CAND1: variants seen among roughly 807,000 people sequenced by gnomAD.
The protein encoded by CAND1 is cullin-associated NEDD8-dissociated protein 1.
Under a neutral mutation model 108.5 loss-of-function variants are expected in CAND1, and 7 were observed. The observed-to-expected ratio is 0.06, with a 90% confidence interval of 0.04 to 0.12. CAND1 has a LOEUF of 0.12. Ranked by LOEUF, CAND1 falls within the 10% of genes least tolerant of loss-of-function variation. CAND1 has a pLI of 1.00. For missense variants in CAND1, 941 were observed against 1,448.7 expected, an observed-to-expected ratio of 0.65 and a Z score of 5.69; for synonymous variants, 534 against 512.0, an observed-to-expected ratio of 1.04 and a Z score of -0.58.
At chr12:67,292,543 G>A (rs1360871898) in intron 2 of CAND1, 79 bp from the exon 3 acceptor site, 10 of 996,850 alleles carry the variant, frequency 1.0e-5, no homozygotes, top group Non-Finnish European at 1.5e-5. Context: ...AGGCGGAAAG[G>A]TTAACATTTC....
At chr12:67,282,091 TC>T in intron 2 of CAND1, 38 bp downstream of exon 2, 1 of 1,605,850 alleles carries the variant, frequency 6.2e-7, no homozygotes, top group South Asian at 1.1e-5. Context: ...TTCTTCCTGC[TC>T]CCCCAACCCT....
intron 2 of CAND1, among the ~76,000 whole-genome samples, chr12:67,288,518 G>A (rs2044693900): frequency 6.6e-6 from 1 of 152,108 alleles, no homozygotes; most frequent in Non-Finnish European, 1.5e-5. Context: ...CTATAGTAAA[G>A]TCAGTTTCTT....
At chr12:67,294,519 A>T (rs748083067) in intron 3 of CAND1, among the ~76,000 whole-genome samples, 1 of 152,216 alleles carries the variant, frequency 6.6e-6, no homozygotes, top group Non-Finnish European at 1.5e-5. Context: ...CTGCTTTTCA[A>T]TCTAGGTGTG....
intron 7 of CAND1, among the ~76,000 whole-genome samples, chr12:67,300,118 C>G (rs7968351): frequency 0.088 from 13,427 of 152,160 alleles, 1,303 homozygotes; most frequent in African/African-American, 0.24. Context: ...CTCTGCCTAT[C>G]GTATTACTCA....
At chr12:67,295,992 T>TA (rs779559587) in intron 4 of CAND1, among the ~76,000 whole-genome samples, 11 of 152,166 alleles carry the variant, frequency 7.2e-5, no homozygotes, top group Non-Finnish European at 1.3e-4. Context: ...GAAGAATGGG[T>TA]AGCCCTTCAA....
At chr12:67,287,857 AT>A (rs34177330) in intron 2 of CAND1, among the ~76,000 whole-genome samples, 17,608 of 112,462 alleles carry the variant, frequency 0.16, 2,300 homozygotes, top group African/African-American at 0.39. Context: ...TTTTGATGTG[AT>A]TTTTTTTTTT....
intron 3 of CAND1, among the ~76,000 whole-genome samples, chr12:67,294,268 T>A (rs1010920577): frequency 2.6e-5 from 4 of 152,212 alleles, no homozygotes; most frequent in Non-Finnish European, 4.4e-5. Flanking sequence ...CTCTCATCAG[T>A]AACAACATGA....
At chr12:67,292,056 G>A (rs541936197) in intron 2 of CAND1, among the ~76,000 whole-genome samples, 43 of 152,142 alleles carry the variant, frequency 2.8e-4, no homozygotes, top group African/African-American at 9.4e-4. Flanking sequence ...TAGTAGGCAC[G>A]GGGTTTCACC....
At chr12:67,298,888 G>T (rs1019961087) in intron 6 of CAND1, 62 bp from the exon 7 acceptor site, 1 of 947,584 alleles carries the variant, frequency 1.1e-6, no homozygotes, top group Admixed American at 1.9e-5. Context: ...GCAAAATGTG[G>T]CAGGTAATGA....
chr12:67,278,965 T>C (rs973876223), intron 1 of CAND1, among the ~76,000 whole-genome samples: 1 of 152,218 alleles, frequency 6.6e-6, no homozygotes, highest in Non-Finnish European at 1.5e-5. Context: ...AAGAATTGTG[T>C]GTGCTTTGGT....
At chr12:67,299,977 T>C (rs1319669029) in intron 7 of CAND1, among the ~76,000 whole-genome samples, 2 of 152,132 alleles carry the variant, frequency 1.3e-5, no homozygotes, top group Non-Finnish European at 2.9e-5. Flanking sequence ...CACCATATAC[T>C]CCTCTAGCAG....
At chr12:67,294,684 T>G (rs748314829) in intron 3 of CAND1, among the ~76,000 whole-genome samples, 22 of 152,222 alleles carry the variant, frequency 1.4e-4, no homozygotes, top group Non-Finnish European at 3.2e-4. Flanking sequence ...CTGTATTGTT[T>G]TCTGTGTCCT....
chr12:67,293,479 C>T (rs768896043), intron 3 of CAND1, among the ~76,000 whole-genome samples: 7 of 152,064 alleles, frequency 4.6e-5, no homozygotes, highest in African/African-American at 7.2e-5. Context: ...GGGGGCCGGG[C>T]GAGGTGGCTC....
chr12:67,292,938 T>C, intron 3 of CAND1, 162 bp downstream of exon 3: 1 of 606,558 alleles, frequency 1.6e-6, no homozygotes, highest in Non-Finnish European at 2.9e-6. Flanking sequence ...TGAAGCCTTA[T>C]TTTCCTTAGA....
chr12:67,276,887 A>T (rs1204669718), intron 1 of CAND1, among the ~76,000 whole-genome samples: 1 of 152,062 alleles, frequency 6.6e-6, no homozygotes, highest in African/African-American at 2.4e-5. Context: ...TTAATTTTTG[A>T]TTTTCACATC....
rs1305251601 is a variant in CAND1 at position 67,313,199 on chromosome 12, A to G, written c.*369A>G. Reference sequence around the variant, plus strand: ...GACCATGAATTTCTTTCTTTTATAAATTTTCTCATTTAAAAATCAAAAATC... The same window carrying G: ...GACCATGAATTTCTTTCTTTTATAAGTTTTCTCATTTAAAAATCAAAAATC... On this transcript the variant is annotated 3_prime_UTR_variant, in exon 15 of 15. Transcript: ENST00000545606. 6.4e-6 allele frequency: 1 copy of G among 155,898 alleles called. No individual in the cohort carries two copies. Among genetic ancestry groups the G allele is most frequent in the African/African-American group, 2.4e-5 (1 of 41,650 alleles). 9.7% of individuals were successfully genotyped at this position (155,898 alleles called of 1,614,324 possible). A position where few individuals can be genotyped will look rare whatever the true frequency, so the allele number is the denominator to read the frequency against.
intron 13 of CAND1, chr12:67,310,978 A>G (rs2044943229): frequency 6.6e-6 from 1 of 151,956 alleles, no homozygotes; most frequent in African/African-American, 2.4e-5. Flanking sequence ...TGAACAGTAA[A>G]AGGGTGATTT....
chr12:67,287,815 A>G (rs1023411648), intron 2 of CAND1, among the ~76,000 whole-genome samples: 1 of 138,342 alleles, frequency 7.2e-6, no homozygotes, highest in African/African-American at 2.7e-5. Flanking sequence ...AAATTTGGGT[A>G]TATTCATTAT....
intron 3 of CAND1, among the ~76,000 whole-genome samples, chr12:67,294,132 A>G (rs916269800): frequency 6.6e-5 from 10 of 152,198 alleles, no homozygotes; most frequent in Admixed American, 2.6e-4. Flanking sequence ...TGTATTAGCT[A>G]TGTATATATT....
Sources: allele counts gnomAD v4.1 joint callset (sites outside exome capture counted in the v4.1 genomes callset), GRCh38; gene constraint gnomAD v4.1.1; transcripts MANE v1.5; gene names NCBI Gene and HGNC (gene_info 2026-07-23, HGNC 2026-07-21).